Variants in KCNB2 observed in about 807,000 individuals in gnomAD.
The protein encoded by KCNB2 is delayed rectifier potassium channel protein.
In KCNB2, 15 loss-of-function variants were observed where a neutral mutation model predicts 61.5. The observed-to-expected ratio is 0.24, with a 90% CI of 0.16 to 0.38. The LOEUF (loss-of-function observed/expected upper bound fraction) is 0.38. Among genes scored for constraint, KCNB2 ranks in the 10% least tolerant of loss-of-function variants. The probability of loss-of-function intolerance (pLI) is 1.00; values close to 1 mark genes in which losing one functional copy is unlikely to be tolerated. For synonymous variants in KCNB2, 457 were observed against 446.0 expected, an observed-to-expected ratio of 1.02 and a Z score of -0.31; for missense variants, 828 against 1,125.2, an observed-to-expected ratio of 0.74 and a Z score of 3.78.
At chr8:72,760,796 A>G (rs1336564348) in intron 2 of KCNB2, among the ~76,000 whole-genome samples, 3 of 152,152 alleles carry the variant, frequency 2.0e-5, no homozygotes, top group Admixed American at 6.5e-5. Context: ...CTTGGCCTCA[A>G]GTGGGGTCCA....
rs1053971271 is a variant in KCNB2, at chr8:72,698,642, C to T, written c.579+130329C>T. On this transcript the variant is annotated intron_variant, in intron 2 of 2. Transcript: ENST00000523207. ...TATAAGGCTACAGTAACCAAAACAG[C>T]ATGGTACTGGTTCAAAAACAGACGC... 2.6e-5 allele frequency among the ~76,000 whole-genome samples: 4 copies of T among 152,270 alleles called. No homozygotes were observed. In the South Asian group the frequency reaches 8.3e-4, roughly 32 times the overall value.
At chr8:72,571,327 G>A (rs929329011) in intron 2 of KCNB2, among the ~76,000 whole-genome samples, 3 of 152,124 alleles carry the variant, frequency 2.0e-5, no homozygotes, top group Non-Finnish European at 4.4e-5. Context: ...TATGGAACAT[G>A]TTCCCTGGTG....
chr8:72,719,847 G>C (rs193125099), intron 2 of KCNB2, among the ~76,000 whole-genome samples: 193 of 152,162 alleles, frequency 1.3e-3, no homozygotes, highest in African/African-American at 4.3e-3. Context: ...AAGACAAAAG[G>C]AAAATCCTAG....
chr8:72,805,337 T>G (rs1245581261), intron 2 of KCNB2, among the ~76,000 whole-genome samples: 1 of 152,194 alleles, frequency 6.6e-6, no homozygotes, highest in African/African-American at 2.4e-5. Flanking sequence ...GCCATGGTTC[T>G]AATCAGAGAG....
rs117352813 is a variant in KCNB2 at position 72,617,655 on chromosome 8, C to T, written c.579+49342C>T. On this transcript the variant is annotated intron_variant, in intron 2 of 2. Coordinates refer to ENST00000523207, the MANE Select transcript of KCNB2 (RefSeq NM_004770.3). ...TCATTTTGATTAGTGGACATTTTTACGATAGACCCTTAATTATTCAGTCAC... is the reference window on the plus strand; with the variant it reads ...TCATTTTGATTAGTGGACATTTTTATGATAGACCCTTAATTATTCAGTCAC... 1.1e-3 allele frequency among the ~76,000 whole-genome samples: 161 copies of T among 151,522 alleles called. 1 individual carries two copies. The highest frequency in any genetic ancestry group is 2.0e-3 in the Non-Finnish European group (135 of 67,894).
rs1806970337 is a variant in KCNB2 at position 72,938,113 on chromosome 8, T to G, written c.*22T>G. ...GTGACTAGTTACAAAAGCAATAAAT[T>G]GAAACAAAACAAAACAAAACAAAAC... is the stretch of plus-strand genomic sequence containing the variant. On this transcript the variant is annotated 3_prime_UTR_variant, in exon 3 of 3. Coordinates refer to ENST00000523207, the MANE Select transcript of KCNB2 (RefSeq NM_004770.3). 1 of 1,541,626 alleles carries G rather than the reference T, an allele frequency of 6.5e-7. No homozygotes were observed. Among genetic ancestry groups the G allele is most frequent in the East Asian group, 2.3e-5 (1 of 44,348 alleles).
intron 2 of KCNB2, among the ~76,000 whole-genome samples, chr8:72,833,699 A>G (rs1006720612): frequency 1.1e-4 from 16 of 152,220 alleles, no homozygotes; most frequent in African/African-American, 3.9e-4. Context: ...TGTGGCTGAT[A>G]GCTGGGAAGT....
chr8:72,568,732 G>A (rs1806665513), intron 2 of KCNB2, among the ~76,000 whole-genome samples: 1 of 152,138 alleles, frequency 6.6e-6, no homozygotes, highest in South Asian at 2.1e-4. Context: ...GTACCTCTTA[G>A]CCTGGCTATG....
chr8:72,551,885 G>T (rs1193829883), intron 1 of KCNB2, among the ~76,000 whole-genome samples: 1 of 152,128 alleles, frequency 6.6e-6, no homozygotes, highest in African/African-American at 2.4e-5. Context: ...TTATTTGTTT[G>T]TTGAATAAAT....
At chr8:72,891,020 A>G (rs1218918635) in intron 2 of KCNB2, among the ~76,000 whole-genome samples, 1 of 152,228 alleles carries the variant, frequency 6.6e-6, no homozygotes. Flanking sequence ...GTAAAGTTAC[A>G]TAAGCGAAGA....
At chr8:72,777,325 G>A (rs1300283546) in intron 2 of KCNB2, among the ~76,000 whole-genome samples, 1 of 152,190 alleles carries the variant, frequency 6.6e-6, no homozygotes, top group Non-Finnish European at 1.5e-5. Flanking sequence ...TGGCAGATGA[G>A]AGGACAAGAC....
chr8:72,648,415 G>A (rs1041824406), intron 2 of KCNB2, among the ~76,000 whole-genome samples: 7 of 152,054 alleles, frequency 4.6e-5, no homozygotes, highest in Non-Finnish European at 7.4e-5. Flanking sequence ...GAAACCACAG[G>A]CATTCACCAC....
At chr8:72,571,505 A>G (rs79997386) in intron 2 of KCNB2, among the ~76,000 whole-genome samples, 1,830 of 152,368 alleles carry the variant, frequency 0.012, 19 homozygotes, top group South Asian at 0.019. Context: ...TATTCAAAAT[A>G]TAATGACAGG....
chr8:72,906,306 G>T (rs1379431018), intron 2 of KCNB2, among the ~76,000 whole-genome samples: 9 of 152,162 alleles, frequency 5.9e-5, no homozygotes, highest in African/African-American at 2.2e-4. Context: ...AGAAGCCAAT[G>T]AATCTTTTGC....
chr8:72,593,031 G>T (rs954768869), intron 2 of KCNB2, among the ~76,000 whole-genome samples: 8 of 152,042 alleles, frequency 5.3e-5, no homozygotes, highest in African/African-American at 1.7e-4. Flanking sequence ...TTTATTTTAG[G>T]CTTCTTTTAT....
At chr8:72,645,063 T>C (rs554576466) in intron 2 of KCNB2, among the ~76,000 whole-genome samples, 2 of 152,250 alleles carry the variant, frequency 1.3e-5, no homozygotes, top group African/African-American at 4.8e-5. Flanking sequence ...ATATTTGTGA[T>C]CTTTATGGAA....
intron 2 of KCNB2, among the ~76,000 whole-genome samples, chr8:72,726,590 T>A (rs528337042): frequency 2.4e-4 from 37 of 152,366 alleles, no homozygotes; most frequent in African/African-American, 7.9e-4. Context: ...TATATACACA[T>A]ACGACATATC....
chr8:72,632,356 G>C (rs200814624), intron 2 of KCNB2, among the ~76,000 whole-genome samples: 1 of 152,120 alleles, frequency 6.6e-6, no homozygotes, highest in Non-Finnish European at 1.5e-5. Flanking sequence ...AATTTGTATT[G>C]GCACACAGCC....
At chr8:72,589,248 C>T (rs2128981244) in intron 2 of KCNB2, among the ~76,000 whole-genome samples, 1 of 151,836 alleles carries the variant, frequency 6.6e-6, no homozygotes. Flanking sequence ...CAAATAAATG[C>T]ATTAATTTAA....
Sources: gnomAD v4.1 joint callset for allele counts (sites outside exome capture counted in the v4.1 genomes callset) on GRCh38, gnomAD v4.1.1 for gene constraint, MANE v1.5 for transcripts, NCBI Gene and HGNC (gene_info 2026-07-23, HGNC 2026-07-21) for gene names.